The following PKHD1L1 variants were observed in gnomAD, a reference collection of about 807,000 sequenced individuals.
PKHD1L1 encodes the protein PKHD1 like 1, also known as fibrocystin-L.
In PKHD1L1, 434 loss-of-function variants were observed where a neutral mutation model predicts 462.9. That is an observed-to-expected ratio of 0.94 (90% CI 0.87 to 1.02). PKHD1L1 has a LOEUF of 1.02. PKHD1L1 is among the 50% of genes least tolerant of loss of function. PKHD1L1 has a pLI of 0.00. For missense variants in PKHD1L1, 5,202 were observed against 5,096.1 expected (o/e 1.02, Z -0.63); for synonymous variants, 1,781 against 1,750.0 (o/e 1.02, Z -0.44).
chr8:109,516,651 T>C (rs1563631313), intron 72 of PKHD1L1, among the ~76,000 whole-genome samples: 1 of 152,112 alleles, frequency 6.6e-6, no homozygotes, highest in South Asian at 2.1e-4. Context: ...ACTTAACCAT[T>C]ATGCTATATT....
chr8:109,454,658 G>A (rs935512423), intron 44 of PKHD1L1, 65 bp from the exon 45 acceptor site: 6 of 1,577,214 alleles, frequency 3.8e-6, no homozygotes, highest in Non-Finnish European at 4.3e-6. Context: ...AACTACTTTT[G>A]TGTGATTAGA....
chr8:109,405,195 T>C, intron 16 of PKHD1L1, 65 bp downstream of exon 16: 1 of 1,025,098 alleles, frequency 9.8e-7, no homozygotes, highest in Non-Finnish European at 1.3e-6. Flanking sequence ...ATAAAGTATT[T>C]GCTGTAGTCA....
At position 109,425,068 on chromosome 8, in the gene PKHD1L1, T is replaced by C. The variant is rs1328472176; in HGVS notation, c.2698-17T>C. The C allele has an allele frequency of 9.1e-6, 14 of 1,542,954 alleles. No homozygotes were observed. Among genetic ancestry groups the C allele is most frequent in the Middle Eastern group, 1.7e-4 (1 of 5,866 alleles). On this transcript the variant is annotated splice_polypyrimidine_tract_variant and intron_variant, in intron 23 of 77. Coordinates refer to ENST00000378402, the MANE Select transcript of PKHD1L1 (RefSeq NM_177531.6). ...GTTAAGTTTAATCATTTTATCAATATTTATTTTGGAAATTAGATAATCACA... is the reference window on the plus strand; with the variant it reads ...GTTAAGTTTAATCATTTTATCAATACTTATTTTGGAAATTAGATAATCACA...
At position 109,533,651 on chromosome 8, in the gene PKHD1L1, T is replaced by A. The variant is rs1351850692; in HGVS notation, c.*3561T>A. 6.6e-6 allele frequency among the ~76,000 whole-genome samples: 1 copy of A among 152,200 alleles called. No homozygotes were observed. Among genetic ancestry groups the A allele is most frequent in the East Asian group, 1.9e-4 (1 of 5,196 alleles). ...TATTATGCATCCCTTTGCCTTTTCT[T>A]CATCCCTTTCTGTTTTTCCAGCTAC... On this transcript the variant is annotated 3_prime_UTR_variant, in exon 78 of 78. Coordinates refer to ENST00000378402, the MANE Select transcript of PKHD1L1 (RefSeq NM_177531.6).
At chr8:109,454,961 G>A in intron 45 of PKHD1L1, 109 bp downstream of exon 45, 1 of 1,348,086 alleles carries the variant, frequency 7.4e-7, no homozygotes, top group Non-Finnish European at 9.9e-7. Context: ...GTGAAAGTGT[G>A]TTAGGCTTCT....
chr8:109,384,060 C>A lies in PKHD1L1; in HGVS notation c.418-10C>A, dbSNP rs760336415. On this transcript the variant is annotated splice_polypyrimidine_tract_variant and intron_variant, in intron 4 of 77. Transcript: ENST00000378402. ...GATAAGTTTTCATATTGACATTATT[C>A]TTTTTACAGGCAAAAAGTTTTAGAA... 2.5e-6 allele frequency: 4 copies of A among 1,588,434 alleles called. No individual in the cohort carries two copies. Among genetic ancestry groups the A allele is most frequent in the Non-Finnish European group, 3.5e-6 (4 of 1,157,818 alleles).
At chr8:109,474,868 A>G (rs1817897780) in intron 50 of PKHD1L1, among the ~76,000 whole-genome samples, 1 of 152,178 alleles carries the variant, frequency 6.6e-6, no homozygotes, top group South Asian at 2.1e-4. Flanking sequence ...CAGGTTTGAA[A>G]GCATTTTACT....
In PKHD1L1 at chr8:109,448,126, C is replaced by CT. The variant is rs56254474; in HGVS notation, c.5777-4dup. 48,294 of 1,319,936 alleles carry CT rather than the reference C, an allele frequency of 0.037. No homozygotes were observed. The highest frequency in any genetic ancestry group is 0.047 in the East Asian group (1,721 of 36,232). 81.8% of individuals were successfully genotyped at this position (1,319,936 alleles called of 1,614,324 possible). A position where few individuals can be genotyped will look rare whatever the true frequency, so the allele number is the denominator to read the frequency against. On this transcript the variant is annotated splice_polypyrimidine_tract_variant and intron_variant, in intron 38 of 77. Coordinates refer to ENST00000378402, the MANE Select transcript of PKHD1L1 (RefSeq NM_177531.6). ...TAGTTAGATATATTTATATTGTGTG[C>CT]TTTTTTTTTTTTTAAGGTCCACCAG...
At chr8:109,517,516 A>T (rs893750216) in intron 72 of PKHD1L1, among the ~76,000 whole-genome samples, 1 of 152,142 alleles carries the variant, frequency 6.6e-6, no homozygotes, top group African/African-American at 2.4e-5. Flanking sequence ...ATACTCTGCC[A>T]TAAAATCATA....
At chr8:109,393,824 C>A (rs954813760) in intron 9 of PKHD1L1, among the ~76,000 whole-genome samples, 6 of 152,090 alleles carry the variant, frequency 3.9e-5, no homozygotes, top group Non-Finnish European at 8.8e-5. Context: ...GCGGAAGATC[C>A]CAGCCTTTAT....
chr8:109,373,717 T>C (rs1811644934), intron 2 of PKHD1L1, among the ~76,000 whole-genome samples: 1 of 152,206 alleles, frequency 6.6e-6, no homozygotes. Flanking sequence ...TTTGTCCTCG[T>C]TGGTTTCAAA....
chr8:109,384,336 T>G (rs1812321506), intron 5 of PKHD1L1, among the ~76,000 whole-genome samples: 1 of 151,968 alleles, frequency 6.6e-6, no homozygotes, highest in African/African-American at 2.4e-5. Flanking sequence ...CCCAAGAGTT[T>G]GAGACCAGCC....
rs1487022730 is a variant in PKHD1L1 at position 109,464,873 on chromosome 8, G to T, written c.8041G>T (p.Ala2681Ser). The change falls in exon 49 of 78, where the codon GCT becomes TCT. Residue 2681 changes from alanine to serine, a missense_variant. By Grantham distance (99) the Ala-to-Ser change is moderately conservative. Transcript: ENST00000378402. Reference protein sequence around the residue: ...HNFVMVNNYEAGIETKRILAP... With the variant: ...HNFVMVNNYESGIETKRILAP... ...CTTTGTGATGGTGAATAACTATGAG[G>T]CTGGAATTGAGACTAAGAGGATCCT... is the stretch of plus-strand genomic sequence containing the variant. 2 of 1,613,860 alleles carry T rather than the reference G, an allele frequency of 1.2e-6. No individual in the cohort carries two copies. The highest frequency in any genetic ancestry group is 3.3e-5 in the Admixed American group (2 of 59,974).
rs184239267 is a variant in PKHD1L1, at chr8:109,475,290, A to T, written c.8757+21A>T. 4 of 1,554,504 alleles carry T rather than the reference A, an allele frequency of 2.6e-6. No homozygotes were observed. In the East Asian group the frequency reaches 9.2e-5, roughly 36 times the overall value. ...TCAAGGTAAAAATATTTATCTTCTAATGATTATAATTGTGTATTACCCAAA... is the reference window on the plus strand; with the variant it reads ...TCAAGGTAAAAATATTTATCTTCTATTGATTATAATTGTGTATTACCCAAA... On this transcript the variant is annotated intron_variant, in intron 51 of 77. Coordinates refer to ENST00000378402, the MANE Select transcript of PKHD1L1 (RefSeq NM_177531.6).
In PKHD1L1 at chr8:109,438,330, G is replaced by A. The variant is rs1220997412; in HGVS notation, c.3634G>A (p.Glu1212Lys). ...TTTTTTCCTCTTATTTTAGAAAACT[G>A]AGGGTACAGTTGATATTTCAGTTAC... ...RITCRTPKKTEGTVDISVTTN... is the reference protein window; with the variant it reads ...RITCRTPKKTKGTVDISVTTN... Residue 1212 changes from glutamate to lysine, a missense_variant, in exon 31 of 78, where the codon GAG (glutamate) becomes AAG (lysine). By Grantham distance (56) the Glu-to-Lys change is moderately conservative. Coordinates refer to ENST00000378402, the MANE Select transcript of PKHD1L1 (RefSeq NM_177531.6). 6.7e-7 allele frequency: 1 copy of A among 1,490,784 alleles called. No homozygotes were observed. The highest frequency in any genetic ancestry group is 1.4e-5 in the African/African-American group (1 of 70,666). 92.3% of individuals were successfully genotyped at this position (1,490,784 alleles called of 1,614,324 possible). A position where few individuals can be genotyped will look rare whatever the true frequency, so the allele number is the denominator to read the frequency against.
At chr8:109,447,879 A>G (rs1310656114) in intron 38 of PKHD1L1, among the ~76,000 whole-genome samples, 1 of 152,188 alleles carries the variant, frequency 6.6e-6, no homozygotes, top group African/African-American at 2.4e-5. Flanking sequence ...AGCGTGAATT[A>G]ATAACTTACA....
At chr8:109,405,375 C>T (rs1440205471) in intron 16 of PKHD1L1, among the ~76,000 whole-genome samples, 2 of 151,932 alleles carry the variant, frequency 1.3e-5, no homozygotes, top group African/African-American at 4.8e-5. Flanking sequence ...TATCTAAATG[C>T]ACATGGAATT....
At chr8:109,462,377 C>T (rs1817185637) in intron 48 of PKHD1L1, among the ~76,000 whole-genome samples, 1 of 152,070 alleles carries the variant, frequency 6.6e-6, no homozygotes, top group Admixed American at 6.6e-5. Context: ...ACAACAGGTC[C>T]AAGTCCATCC....
intron 73 of PKHD1L1, among the ~76,000 whole-genome samples, chr8:109,519,236 TA>T: frequency 6.6e-6 from 1 of 152,076 alleles, no homozygotes; most frequent in East Asian, 1.9e-4. Flanking sequence ...TTATCAGAGA[TA>T]AAAAAATAAG....
Sources: allele counts gnomAD v4.1 joint callset (sites outside exome capture counted in the v4.1 genomes callset), GRCh38; gene constraint gnomAD v4.1.1; transcripts MANE v1.5; gene names NCBI Gene and HGNC (gene_info 2026-07-23, HGNC 2026-07-21).